Variants in SCARA5 observed in about 807,000 individuals in gnomAD.
SCARA5 encodes scavenger receptor class A, member 5 (putative).
In SCARA5, 45 loss-of-function variants were observed where a neutral mutation model predicts 46.3. The ratio of observed to expected loss-of-function variants is 0.97; its 90% CI spans 0.76 to 1.24. SCARA5 has a LOEUF of 1.24. Among genes scored for constraint, SCARA5 ranks in the 50% most tolerant of loss-of-function variants. The pLI is 0.00. For missense variants in SCARA5, 680 were observed against 689.0 expected, an observed-to-expected ratio of 0.99 and a Z score of 0.15; for synonymous variants, 333 against 306.5, an observed-to-expected ratio of 1.09 and a Z score of -0.90.
At chr8:27,877,176 A>T (rs1277662307) in intron 8 of SCARA5, among the ~76,000 whole-genome samples, 1 of 152,134 alleles carries the variant, frequency 6.6e-6, no homozygotes, top group Non-Finnish European at 1.5e-5. Flanking sequence ...AGAAAGCCTC[A>T]GTTATGCCAG....
chr8:27,889,339 G>T (rs1046348588), intron 7 of SCARA5, among the ~76,000 whole-genome samples: 9 of 152,192 alleles, frequency 5.9e-5, no homozygotes, highest in African/African-American at 2.2e-4. Flanking sequence ...CATCATCTTT[G>T]GGCTTTTCCA....
At chr8:27,962,878 G>A (rs530602753) in intron 3 of SCARA5, among the ~76,000 whole-genome samples, 6 of 152,146 alleles carry the variant, frequency 3.9e-5, no homozygotes, top group African/African-American at 7.2e-5. Context: ...TGCACTCACC[G>A]AACACTCATG....
intron 7 of SCARA5, 76 bp from the exon 8 acceptor site, chr8:27,879,842 G>A: frequency 2.1e-6 from 3 of 1,413,370 alleles, no homozygotes; most frequent in Admixed American, 1.9e-5. Context: ...CTTTGACTCC[G>A]CCTACCCCTG....
At chr8:27,975,977 C>A (rs1808517682) in intron 2 of SCARA5, among the ~76,000 whole-genome samples, 1 of 152,236 alleles carries the variant, frequency 6.6e-6, no homozygotes, top group African/African-American at 2.4e-5. Context: ...TCCATCTTGT[C>A]ACTTTCATAC....
At position 27,921,566 on chromosome 8, in the gene SCARA5, G is replaced by A. The variant is rs374332817; in HGVS notation, c.916+5C>T. Reference sequence around the variant, plus strand: ...TGGGTGGAGGCAGCAAGGGCCTGGCGGTACCTTTCGCGAGGGAGATGTTCC... The same window carrying A: ...TGGGTGGAGGCAGCAAGGGCCTGGCAGTACCTTTCGCGAGGGAGATGTTCC... On this transcript the variant is annotated splice_donor_5th_base_variant and intron_variant, in intron 4 of 8. Transcript: ENST00000354914. 6.5e-6 allele frequency: 10 copies of A among 1,543,568 alleles called. No homozygotes were observed. The highest frequency in any genetic ancestry group is 1.3e-5 in the South Asian group (1 of 79,826).
intron 7 of SCARA5, among the ~76,000 whole-genome samples, chr8:27,880,857 GA>G (rs71222524): frequency 0.13 from 12,275 of 94,404 alleles, 714 homozygotes; most frequent in South Asian, 0.27. Flanking sequence ...CCTGTCTAAG[GA>G]AAAAAAAAAA....
chr8:27,885,277 C>G (rs1021878358), intron 7 of SCARA5, among the ~76,000 whole-genome samples: 3 of 152,164 alleles, frequency 2.0e-5, no homozygotes, highest in Admixed American at 6.5e-5. Context: ...TGGACTCCCC[C>G]ACCTCAGAAA....
intron 8 of SCARA5, among the ~76,000 whole-genome samples, chr8:27,874,725 G>A (rs189852493): frequency 2.0e-4 from 31 of 152,296 alleles, no homozygotes; most frequent in African/African-American, 7.0e-4. Context: ...ATAATTAGAC[G>A]TGAACGCTCC....
chr8:27,972,774 G>A lies in SCARA5; in HGVS notation c.113-6232C>T, dbSNP rs563048365. Among the ~76,000 whole-genome samples the A allele has an allele frequency of 9.8e-4, 149 of 152,198 alleles. 2 individuals are homozygous for A. The highest frequency in any genetic ancestry group is 3.5e-3 in the African/African-American group (145 of 41,496). ...AGCTACTAAAGAGACTGAGGCGGGA[G>A]GATCACTTGAGCCTAGGAGTTCAAG... On this transcript the variant is annotated intron_variant, in intron 2 of 8. Transcript: ENST00000354914.
Position 27,871,934 on chromosome 8 carries a change from T to C in SCARA5, c.1488A>G (p.Ter496TrpextTer110). 6.2e-7 allele frequency: 1 copy of C among 1,614,134 alleles called. No individual in the cohort carries two copies. Among genetic ancestry groups the C allele is most frequent in the South Asian group, 1.1e-5 (1 of 91,088 alleles). ...EDASVTCNRH[*>W] is the part of the protein sequence containing the mutation. Reference sequence around the variant, plus strand: ...CCCCGAACTTGGGCTCTGCCCACTTTCAGTGTCTGTTGCATGTCACGCTGG... The same window carrying C: ...CCCCGAACTTGGGCTCTGCCCACTTCCAGTGTCTGTTGCATGTCACGCTGG... The change falls in exon 9 of 9, where the codon TGA becomes TGG. Residue 496 changes from the stop codon to tryptophan, a stop_lost. Coordinates refer to ENST00000354914, the MANE Select transcript of SCARA5 (RefSeq NM_173833.6).
chr8:27,985,816 C>T (rs1421078080), intron 2 of SCARA5, among the ~76,000 whole-genome samples: 1 of 152,226 alleles, frequency 6.6e-6, no homozygotes, highest in Non-Finnish European at 1.5e-5. Context: ...AGCATGGCTC[C>T]CAAAGTGCCC....
In SCARA5 at chr8:27,947,473, C is replaced by T. The variant is rs544429696; in HGVS notation, c.241+18941G>A. ...CACAGCAGCCGAAAGATGGGAGCAA[C>T]CCAAATGTCCACTGACAGATGGATG... On this transcript the variant is annotated intron_variant, in intron 3 of 8. Transcript: ENST00000354914. Among the ~76,000 whole-genome samples the T allele has an allele frequency of 6.1e-4, 67 of 110,360 alleles. 1 individual carries two copies. The highest frequency in any genetic ancestry group is 5.4e-4 in the Admixed American group (5 of 9,236). 72.4% of individuals were successfully genotyped at this position (110,360 alleles called of 152,430 possible). A position where few individuals can be genotyped will look rare whatever the true frequency, so the allele number is the denominator to read the frequency against.
intron 8 of SCARA5, among the ~76,000 whole-genome samples, chr8:27,874,159 G>A (rs4732784): frequency 2.6e-5 from 4 of 152,162 alleles, no homozygotes; most frequent in Non-Finnish European, 4.4e-5. Context: ...TAGAGCTAAC[G>A]TTTGAGCTTC....
intron 3 of SCARA5, among the ~76,000 whole-genome samples, chr8:27,956,919 T>A (rs1329302655): frequency 1.3e-5 from 2 of 152,154 alleles, no homozygotes; most frequent in Non-Finnish European, 1.5e-5. Context: ...TTATAACTTC[T>A]CTCCAAAAGG....
intron 1 of SCARA5, 39 bp from the exon 2 acceptor site, chr8:27,987,669 G>T: frequency 8.3e-7 from 1 of 1,203,052 alleles, no homozygotes; most frequent in Non-Finnish European, 1.2e-6. Context: ...GGAGGACGAA[G>T]GCCGGGAGAG....
intron 3 of SCARA5, among the ~76,000 whole-genome samples, chr8:27,953,502 T>C (rs1808162415): frequency 6.6e-6 from 1 of 152,236 alleles, no homozygotes; most frequent in South Asian, 2.1e-4. Flanking sequence ...CTTAGACGGT[T>C]ATGTTATTAA....
chr8:27,981,995 C>T (rs577896914), intron 2 of SCARA5, among the ~76,000 whole-genome samples: 151 of 152,174 alleles, frequency 9.9e-4, no homozygotes, highest in African/African-American at 3.5e-3. Flanking sequence ...GGAGATCTGA[C>T]GGATATGAAG....
chr8:27,981,860 A>G (rs747722367), intron 2 of SCARA5, among the ~76,000 whole-genome samples: 1 of 152,168 alleles, frequency 6.6e-6, no homozygotes, highest in Non-Finnish European at 1.5e-5. Flanking sequence ...CCTGCACCAG[A>G]GCCTGATGCG....
At chr8:27,948,422 G>C (rs944229528) in intron 3 of SCARA5, among the ~76,000 whole-genome samples, 1 of 152,230 alleles carries the variant, frequency 6.6e-6, no homozygotes, top group Non-Finnish European at 1.5e-5. Context: ...TGGGAGCCAC[G>C]AGCTGGAGCC....
Sources: allele counts gnomAD v4.1 joint callset (sites outside exome capture counted in the v4.1 genomes callset), GRCh38; gene constraint gnomAD v4.1.1; transcripts MANE v1.5; gene names NCBI Gene and HGNC (gene_info 2026-07-23, HGNC 2026-07-21).